Variants in PHF3 observed in about 807,000 individuals in gnomAD.
The protein encoded by PHF3 is PHD finger protein 3.
A neutral mutation model predicts 178.4 loss-of-function variants in PHF3; 41 were observed. That is an observed-to-expected ratio of 0.23 (90% confidence interval 0.18 to 0.30). PHF3 has a LOEUF of 0.30. Among genes scored for constraint, PHF3 ranks in the 10% least tolerant of loss-of-function variants. The pLI, the probability that PHF3 is intolerant of heterozygous loss-of-function variation, is 1.00. For missense variants in PHF3, 2,346 were observed against 2,398.1 expected, an observed-to-expected ratio of 0.98 and a Z score of 0.45; for synonymous variants, 842 against 800.5, an observed-to-expected ratio of 1.05 and a Z score of -0.88.
intron 1 of PHF3, among the ~76,000 whole-genome samples, chr6:63,642,719 T>C (rs1207802184): frequency 1.1e-4 from 16 of 152,166 alleles, no homozygotes; most frequent in Admixed American, 1.0e-3. Context: ...GCTTCCTATG[T>C]TTTATTAAAT....
chr6:63,652,978 T>C (rs1487692821), intron 2 of PHF3, among the ~76,000 whole-genome samples: 2 of 151,062 alleles, frequency 1.3e-5, no homozygotes, highest in Non-Finnish European at 2.9e-5. Context: ...AACTCCAGCT[T>C]TATTATTATT....
chr6:63,655,471 C>G (rs201247043), intron 2 of PHF3, among the ~76,000 whole-genome samples: 1 of 152,088 alleles, frequency 6.6e-6, no homozygotes, highest in Middle Eastern at 3.2e-3. Context: ...CCTTAGCCCC[C>G]CAAAGTGCTG....
chr6:63,674,109 A>G (rs1423627558), intron 2 of PHF3, among the ~76,000 whole-genome samples: 2 of 151,936 alleles, frequency 1.3e-5, no homozygotes, highest in Non-Finnish European at 2.9e-5. Context: ...AAGATATACA[A>G]AAAGGCGGTG....
intron 1 of PHF3, among the ~76,000 whole-genome samples, chr6:63,643,545 T>C (rs1302098386): frequency 6.6e-6 from 1 of 152,248 alleles, no homozygotes. Flanking sequence ...ATACGCTTTA[T>C]TACTATGTTC....
intron 2 of PHF3, among the ~76,000 whole-genome samples, chr6:63,652,500 CTGTT>C (rs1257263695): frequency 6.6e-6 from 1 of 152,068 alleles, no homozygotes; most frequent in African/African-American, 2.4e-5. Context: ...TCTCTTCACT[CTGTT>C]TATTGTTTCC....
In PHF3 at chr6:63,716,837, G is replaced by A. The variant is rs1034811763; in HGVS notation, c.*3129G>A. ...CTCTTCTACTACAAAGGACCCTTGT[G>A]ATTACATTGACCCCACCCAGATAAT... is the stretch of plus-strand genomic sequence containing the variant. On this transcript the variant is annotated 3_prime_UTR_variant, in exon 16 of 16. Coordinates refer to ENST00000262043, the MANE Select transcript of PHF3 (RefSeq NM_001370348.2). 6.6e-6 allele frequency among the ~76,000 whole-genome samples: 1 copy of A among 151,930 alleles called. No individual in the cohort carries two copies. Among genetic ancestry groups the A allele is most frequent in the East Asian group, 1.9e-4 (1 of 5,194 alleles).
chr6:63,637,620 C>T (rs1364588489), intron 1 of PHF3, among the ~76,000 whole-genome samples: 2 of 125,648 alleles, frequency 1.6e-5, no homozygotes, highest in Admixed American at 8.8e-5. Context: ...CTATATATTA[C>T]CATAATGATT....
chr6:63,684,372 C>T lies in PHF3; in HGVS notation c.650C>T (p.Ser217Leu). ...IEVVPEVSVS[S>L]SHSSVSSCLE... ...GTGGTACCTGAAGTATCAGTGTCTT[C>T]AAGTCATTCTTCAGTGTCATCTTGT... The change falls in exon 4 of 16, where the codon TCA (serine) becomes TTA (leucine). Residue 217 changes from serine (S) to leucine (L), a missense_variant. Around this residue, in one of 8 missense-constraint regions of PHF3, gnomAD observed 843 missense variants for 795.2 expected, o/e 1.06. Coordinates refer to ENST00000262043, the MANE Select transcript of PHF3 (RefSeq NM_001370348.2). 1.2e-6 allele frequency: 2 copies of T among 1,613,930 alleles called. No individual in the cohort carries two copies. The highest frequency in any genetic ancestry group is 1.7e-6 in the Non-Finnish European group (2 of 1,179,836).
At chr6:63,668,656 G>GTA (rs1561952619) in intron 2 of PHF3, among the ~76,000 whole-genome samples, 3 of 151,792 alleles carry the variant, frequency 2.0e-5, no homozygotes, top group Non-Finnish European at 4.4e-5. Flanking sequence ...CCTTTTTGAT[G>GTA]GTTATAATGA....
chr6:63,644,740 A>C (rs1246433825), intron 1 of PHF3, among the ~76,000 whole-genome samples: 1 of 152,174 alleles, frequency 6.6e-6, no homozygotes, highest in African/African-American at 2.4e-5. Context: ...AGGTATAATA[A>C]ATGCATTCAT....
Position 63,684,882 on chromosome 6 carries a change from C to G in PHF3, c.1160C>G (p.Thr387Ser). The part of the protein sequence containing the change: ...LKDTMGIADK[T>S]ENTLERNKIE... ...GATACCATGGGTATTGCTGATAAAACTGAGAACACCCTTGAAAGAAATAAA... is the reference window on the plus strand; with the variant it reads ...GATACCATGGGTATTGCTGATAAAAGTGAGAACACCCTTGAAAGAAATAAA... The change falls in exon 4 of 16, where the codon ACT becomes AGT. Residue 387 changes from threonine to serine, a missense_variant. Coordinates refer to ENST00000262043, the MANE Select transcript of PHF3 (RefSeq NM_001370348.2). The G allele has an allele frequency of 6.2e-7, 1 of 1,614,020 alleles. No individual in the cohort carries two copies. The highest frequency in any genetic ancestry group is 8.5e-7 in the Non-Finnish European group (1 of 1,179,944).
Position 63,635,854 on chromosome 6 carries a change from C to T in PHF3, c.-322C>T, listed in dbSNP as rs968057496. 2.3e-5 allele frequency: 9 copies of T among 396,726 alleles called. No homozygotes were observed. Among genetic ancestry groups the T allele is most frequent in the Non-Finnish European group, 4.0e-5 (9 of 224,890 alleles). 24.6% of individuals were successfully genotyped at this position (396,726 alleles called of 1,614,324 possible). Reference sequence around the variant, plus strand: ...CCAGCTCCCGCGCCGCCGCCGCACGCCGATGGCTGCGGGGTCTCGCGCCGT... The same window carrying T: ...CCAGCTCCCGCGCCGCCGCCGCACGTCGATGGCTGCGGGGTCTCGCGCCGT... On this transcript the variant is annotated 5_prime_UTR_variant, in exon 1 of 16. Coordinates refer to ENST00000262043, the MANE Select transcript of PHF3 (RefSeq NM_001370348.2).
Position 63,714,788 on chromosome 6 carries a change from A to C in PHF3, c.*1080A>C, listed in dbSNP as rs368795063. On this transcript the variant is annotated 3_prime_UTR_variant, in exon 16 of 16. Transcript: ENST00000262043. ...TTAAAATTAAAGACCGCAGAACTTG[A>C]AGAGAAATATGTTTTGAATCCTTTT... 1 of 152,252 alleles carries C rather than the reference A, an allele frequency of 6.6e-6. No individual in the cohort carries two copies. The highest frequency in any genetic ancestry group is 2.1e-4 in the South Asian group (1 of 4,830). The allele number at this position is 152,252 out of a possible 1,614,324, so 9.4% of individuals were successfully genotyped here.
At chr6:63,694,517 C>G (rs773588904) in intron 5 of PHF3, 64 bp from the exon 6 acceptor site, 1 of 1,122,392 alleles carries the variant, frequency 8.9e-7, no homozygotes, top group African/African-American at 1.6e-5. Context: ...TATTTTTGTA[C>G]GTCTTAAAAA....
Position 63,685,556 on chromosome 6 carries a change from C to A in PHF3, c.1834C>A (p.His612Asn). ...AHPGCLKEPH[H>N]PAQTGHVSHS... is the part of the protein sequence containing the mutation. ...TCCTGGTTGCTTGAAAGAACCTCAT[C>A]ATCCTGCACAAACTGGACATGTATC... The change falls in exon 4 of 16, where the codon CAT becomes AAT. Residue 612 changes from histidine to asparagine, a missense_variant. Transcript: ENST00000262043. 5 of 1,614,110 alleles carry A rather than the reference C, an allele frequency of 3.1e-6. No individual in the cohort carries two copies. The highest frequency in any genetic ancestry group is 4.2e-6 in the Non-Finnish European group (5 of 1,180,000).
At chr6:63,705,610 A>G (rs1470536381) in intron 11 of PHF3, among the ~76,000 whole-genome samples, 1 of 152,210 alleles carries the variant, frequency 6.6e-6, no homozygotes, top group African/African-American at 2.4e-5. Flanking sequence ...GTCCATGGGA[A>G]AATTGTCTTC....
chr6:63,647,855 C>T (rs1402392321), intron 2 of PHF3, among the ~76,000 whole-genome samples: 1 of 152,092 alleles, frequency 6.6e-6, no homozygotes, highest in East Asian at 1.9e-4. Context: ...AAGGTTTTCC[C>T]TCACCATTCC....
In PHF3 at chr6:63,711,601, G is replaced by A. The variant is rs1485809867; in HGVS notation, c.4013G>A (p.Arg1338Lys). Reference protein sequence around the residue: ...PFDGPGLELHRPNLLLGLIIR... With the variant: ...PFDGPGLELHKPNLLLGLIIR... ...TTTTATACAGGGCTTGAACTGCATA[G>A]ACCTAATCTATTGTTGGGCTTAATT... The change falls in exon 16 of 16, where the codon AGA becomes AAA. Residue 1338 changes from arginine (R) to lysine (K), a missense_variant. By Grantham distance (26) the Arg-to-Lys change is conservative. Transcript: ENST00000262043. The A allele has an allele frequency of 1.3e-5, 20 of 1,589,262 alleles. No individual in the cohort carries two copies. Among genetic ancestry groups the A allele is most frequent in the Non-Finnish European group, 1.7e-5 (20 of 1,173,374 alleles).
In PHF3 at chr6:63,716,357, CTCTT is replaced by C. The variant is rs1445447527; in HGVS notation, c.*2655_*2658del. ...ATGATCATATATACCTTTCATAGCC[CTCTT>C]TCTTTGCGTTCCACTGAACTGTCTG... On this transcript the variant is annotated 3_prime_UTR_variant, in exon 16 of 16. Transcript: ENST00000262043. Among the ~76,000 whole-genome samples, 3 of 152,132 alleles carry C rather than the reference CTCTT, an allele frequency of 2.0e-5. No individual in the cohort carries two copies. Among genetic ancestry groups the C allele is most frequent in the Admixed American group, 2.0e-4 (3 of 15,252 alleles).
Sources: allele counts gnomAD v4.1 joint callset (sites outside exome capture counted in the v4.1 genomes callset), GRCh38; gene constraint gnomAD v4.1.1; regional missense constraint gnomAD v4.1.1; transcripts MANE v1.5; gene names NCBI Gene and HGNC (gene_info 2026-07-23, HGNC 2026-07-21).